CTNND2: variants seen among roughly 807,000 people sequenced by gnomAD.
The protein encoded by CTNND2 is catenin delta-2.
A neutral mutation model predicts 144.4 loss-of-function variants in CTNND2; 22 were observed. The observed-to-expected ratio is 0.15, with a 90% CI of 0.11 to 0.22. The LOEUF (loss-of-function observed/expected upper bound fraction) is 0.22, where lower values mean the gene tolerates loss of function less well. Among genes scored for constraint, CTNND2 ranks in the 10% least tolerant of loss-of-function variants. The pLI is 1.00. For synonymous variants in CTNND2, 751 were observed against 695.6 expected, an observed-to-expected ratio of 1.08 and a Z score of -1.25; for missense variants, 1,353 against 1,618.8, an observed-to-expected ratio of 0.84 and a Z score of 2.82.
intron 9 of CTNND2, among the ~76,000 whole-genome samples, chr5:11,311,807 C>T (rs1750914884): frequency 6.9e-6 from 1 of 144,126 alleles, no homozygotes; most frequent in African/African-American, 2.6e-5. Context: ...ACACACTCCC[C>T]ATACACCCTC....
At chr5:11,656,528 G>A (rs1161204037) in intron 2 of CTNND2, among the ~76,000 whole-genome samples, 4 of 151,848 alleles carry the variant, frequency 2.6e-5, no homozygotes, top group East Asian at 1.9e-4. Context: ...TGTCAGTCAC[G>A]GCACAAGTTA....
intron 1 of CTNND2, among the ~76,000 whole-genome samples, chr5:11,779,994 G>A (rs1454665898): frequency 6.6e-6 from 1 of 152,174 alleles, no homozygotes; most frequent in Non-Finnish European, 1.5e-5. Context: ...ACAAGAGGAA[G>A]ATAAAAGCAG....
chr5:11,364,077 A>G (rs1235160833), intron 8 of CTNND2, among the ~76,000 whole-genome samples: 2 of 152,260 alleles, frequency 1.3e-5, no homozygotes, highest in Non-Finnish European at 2.9e-5. Context: ...CAGATACTGG[A>G]AAACACTTGC....
chr5:11,316,465 TTTTTTATTA>T (rs1327144267), intron 9 of CTNND2, among the ~76,000 whole-genome samples: 3,154 of 83,456 alleles, frequency 0.038, 72 homozygotes, highest in African/African-American at 0.085. Flanking sequence ...TTATCCACTA[TTTTTTATTA>T]TTATTATTAT....
intron 10 of CTNND2, among the ~76,000 whole-genome samples, chr5:11,213,157 T>C (rs1738813524): frequency 6.6e-6 from 1 of 152,180 alleles, no homozygotes; most frequent in Non-Finnish European, 1.5e-5. Flanking sequence ...TTAAATGTTT[T>C]TACTCCAATA....
chr5:11,328,790 C>T (rs1752793444), intron 9 of CTNND2, among the ~76,000 whole-genome samples: 1 of 152,238 alleles, frequency 6.6e-6, no homozygotes, highest in African/African-American at 2.4e-5. Flanking sequence ...CACTGACCCA[C>T]AGACAGCTCT....
intron 2 of CTNND2, among the ~76,000 whole-genome samples, chr5:11,717,163 C>T (rs758599792): frequency 3.3e-5 from 5 of 151,836 alleles, no homozygotes; most frequent in Non-Finnish European, 5.9e-5. Flanking sequence ...CCACCATGCC[C>T]GGCCAAAAGT....
chr5:11,122,737 G>A (rs1275370060), intron 12 of CTNND2, among the ~76,000 whole-genome samples: 2 of 152,004 alleles, frequency 1.3e-5, no homozygotes, highest in Non-Finnish European at 2.9e-5. Flanking sequence ...GAGGAGTGGG[G>A]TGGGCTGTCT....
intron 13 of CTNND2, among the ~76,000 whole-genome samples, chr5:11,112,969 C>T (rs537193478): frequency 1.3e-5 from 2 of 152,152 alleles, no homozygotes; most frequent in South Asian, 2.1e-4. Flanking sequence ...GGTGAAACCC[C>T]GTCTCTACTA....
chr5:11,534,988 A>C (rs373903538), intron 3 of CTNND2, among the ~76,000 whole-genome samples: 2 of 152,064 alleles, frequency 1.3e-5, no homozygotes, highest in Admixed American at 1.3e-4. Context: ...GGAGTTCAAG[A>C]CCAGCCTGGC....
At chr5:11,626,549 G>A (rs1201224111) in intron 2 of CTNND2, among the ~76,000 whole-genome samples, 1 of 152,114 alleles carries the variant, frequency 6.6e-6, no homozygotes, top group African/African-American at 2.4e-5. Flanking sequence ...AGTCACTTAA[G>A]TTGTTAAGTG....
chr5:11,287,307 G>C (rs1747852552), intron 9 of CTNND2, among the ~76,000 whole-genome samples: 1 of 152,142 alleles, frequency 6.6e-6, no homozygotes, highest in South Asian at 2.1e-4. Flanking sequence ...AAGAGAAAAA[G>C]ACTGCCCACC....
At chr5:11,267,806 T>C (rs755853125) in intron 9 of CTNND2, among the ~76,000 whole-genome samples, 28 of 152,366 alleles carry the variant, frequency 1.8e-4, no homozygotes, top group Middle Eastern at 6.8e-3. Flanking sequence ...GCATTAATGT[T>C]CTTACTAGAT....
chr5:11,243,568 G>C (rs1359848557), intron 9 of CTNND2, among the ~76,000 whole-genome samples: 1 of 152,040 alleles, frequency 6.6e-6, no homozygotes, highest in Non-Finnish European at 1.5e-5. Flanking sequence ...TTTGTGACTG[G>C]GCTTCACTTT....
At chr5:11,261,845 A>C (rs766656566) in intron 9 of CTNND2, among the ~76,000 whole-genome samples, 55 of 152,210 alleles carry the variant, frequency 3.6e-4, no homozygotes, top group Non-Finnish European at 6.6e-4. Context: ...CTGAAAGTCA[A>C]CTTGAAGTTG....
chr5:11,729,275 T>C, intron 2 of CTNND2, among the ~76,000 whole-genome samples: 1 of 152,052 alleles, frequency 6.6e-6, no homozygotes. Flanking sequence ...CACAGTGATA[T>C]AGTTTGGCTG....
intron 9 of CTNND2, among the ~76,000 whole-genome samples, chr5:11,300,237 G>A (rs1749445128): frequency 6.6e-6 from 1 of 152,096 alleles, no homozygotes; most frequent in African/African-American, 2.4e-5. Context: ...ACAGCTAGGA[G>A]AGTGGCCTGG....
intron 11 of CTNND2, among the ~76,000 whole-genome samples, chr5:11,195,534 A>C (rs1580552807): frequency 1.3e-5 from 2 of 152,250 alleles, no homozygotes; most frequent in African/African-American, 4.8e-5. Flanking sequence ...CCCGAAATGA[A>C]GGACAAGGTT....
chr5:11,710,762 C>G (rs1785977853), intron 2 of CTNND2, among the ~76,000 whole-genome samples: 1 of 152,106 alleles, frequency 6.6e-6, no homozygotes, highest in Non-Finnish European at 1.5e-5. Flanking sequence ...AGCTGAAGGT[C>G]CGGGCAGTGC....
Sources: allele counts gnomAD v4.1 joint callset (sites outside exome capture counted in the v4.1 genomes callset), GRCh38; gene constraint gnomAD v4.1.1; transcripts MANE v1.5; gene names NCBI Gene and HGNC (gene_info 2026-07-23, HGNC 2026-07-21).